The following ZNF618 variants were observed in gnomAD, a reference collection of about 807,000 sequenced individuals.
The protein encoded by ZNF618 is zinc finger protein 618, also known as neural precursor cell expressed, developmentally down-regulated 10.
In ZNF618, 34 loss-of-function variants were observed where a neutral mutation model predicts 103.0. The ratio of observed to expected loss-of-function variants is 0.33; its 90% CI spans 0.25 to 0.44. The LOEUF (loss-of-function observed/expected upper bound fraction) is 0.44. Ranked by LOEUF, ZNF618 falls within the 20% of genes least tolerant of loss-of-function variation. The probability of loss-of-function intolerance (pLI) is 1.00; values close to 1 mark genes in which losing one functional copy is unlikely to be tolerated. For synonymous variants in ZNF618, 551 were observed against 542.2 expected, an observed-to-expected ratio of 1.02 and a Z score of -0.23; for missense variants, 1,059 against 1,295.4, an observed-to-expected ratio of 0.82 and a Z score of 2.80.
At chr9:113,944,412 G>A (rs1834820960) in intron 1 of ZNF618, among the ~76,000 whole-genome samples, 1 of 152,126 alleles carries the variant, frequency 6.6e-6, no homozygotes, top group South Asian at 2.1e-4. Context: ...GAGTAGCTGG[G>A]ATTACAGTTG....
At chr9:113,947,814 G>A (rs1330166) in intron 1 of ZNF618, among the ~76,000 whole-genome samples, 99,340 of 152,030 alleles carry the variant, frequency 0.65, 32,624 homozygotes, top group Admixed American at 0.71. Flanking sequence ...CTCTATTGTT[G>A]TGTTTTATTG....
intron 10 of ZNF618, chr9:114,028,297 A>C: frequency 5.5e-6 from 1 of 180,986 alleles, no homozygotes; most frequent in East Asian, 1.4e-4. Context: ...AGGGACTATC[A>C]GGCCCCTCTG....
chr9:113,932,189 A>G (rs1833644262), intron 1 of ZNF618, among the ~76,000 whole-genome samples: 1 of 152,218 alleles, frequency 6.6e-6, no homozygotes, highest in Non-Finnish European at 1.5e-5. Context: ...GAGTCAGGAA[A>G]GACCTCTCTG....
Position 113,988,594 on chromosome 9 carries a change from G to T in ZNF618, c.337+14G>T. The T allele has an allele frequency of 6.3e-7, 1 of 1,597,320 alleles. No individual in the cohort carries two copies. Among genetic ancestry groups the T allele is most frequent in the Non-Finnish European group, 8.5e-7 (1 of 1,174,728 alleles). On this transcript the variant is annotated intron_variant, in intron 3 of 14. Coordinates refer to ENST00000374126, the MANE Select transcript of ZNF618 (RefSeq NM_001318042.2). ...AGCAGACCCTTGGTGAGTGCCCAGCGTCTGTGGTCAGGGTGGAGACCAGGG... is the reference window on the plus strand; with the variant it reads ...AGCAGACCCTTGGTGAGTGCCCAGCTTCTGTGGTCAGGGTGGAGACCAGGG...
intron 2 of ZNF618, among the ~76,000 whole-genome samples, chr9:113,983,192 G>A (rs879404002): frequency 8.6e-5 from 13 of 151,826 alleles, no homozygotes; most frequent in Non-Finnish European, 1.5e-4. Context: ...CATTTAAATG[G>A]ATATAATTAA....
At chr9:114,005,819 C>T (rs1372261549) in intron 6 of ZNF618, among the ~76,000 whole-genome samples, 1 of 152,206 alleles carries the variant, frequency 6.6e-6, no homozygotes, top group African/African-American at 2.4e-5. Flanking sequence ...CCTAGAACCA[C>T]CATCCTGGGA....
intron 10 of ZNF618, among the ~76,000 whole-genome samples, chr9:114,021,089 T>TA (rs1194623238): frequency 6.6e-6 from 1 of 151,946 alleles, no homozygotes; most frequent in Non-Finnish European, 1.5e-5. Flanking sequence ...TACATAGACT[T>TA]AAAAAAAATT....
intron 1 of ZNF618, among the ~76,000 whole-genome samples, chr9:113,893,500 C>A (rs909791086): frequency 1.1e-4 from 16 of 152,102 alleles, no homozygotes; most frequent in Admixed American, 5.9e-4. Flanking sequence ...AATTTGGACA[C>A]CTTTCCCTCT....
At chr9:113,906,259 C>A (rs1351512514) in intron 1 of ZNF618, among the ~76,000 whole-genome samples, 2 of 152,088 alleles carry the variant, frequency 1.3e-5, no homozygotes, top group Non-Finnish European at 2.9e-5. Context: ...ATTCTCTTAG[C>A]AGGGGTTGTG....
chr9:113,886,610 CTG>C (rs895613118), intron 1 of ZNF618, among the ~76,000 whole-genome samples: 3 of 151,928 alleles, frequency 2.0e-5, no homozygotes, highest in African/African-American at 7.3e-5. Flanking sequence ...TGAAATAAAA[CTG>C]AAACTAGTCT....
intron 1 of ZNF618, among the ~76,000 whole-genome samples, chr9:113,885,183 A>G (rs1193391489): frequency 5.9e-5 from 9 of 152,106 alleles, no homozygotes; most frequent in Admixed American, 5.9e-4. Context: ...GGGGCAAGGC[A>G]GGCCCTGGGG....
intron 5 of ZNF618, 29 bp downstream of exon 5, chr9:114,002,102 C>A (rs751720691): frequency 6.2e-7 from 1 of 1,600,394 alleles, no homozygotes; most frequent in South Asian, 1.1e-5. Context: ...GGGCAGAGCC[C>A]AGGGGCCGCA....
At chr9:113,882,175 T>G (rs1277541941) in intron 1 of ZNF618, among the ~76,000 whole-genome samples, 1 of 152,126 alleles carries the variant, frequency 6.6e-6, no homozygotes, top group African/African-American at 2.4e-5. Flanking sequence ...AGGCCAGGCC[T>G]TAGGTCAGAT....
intron 3 of ZNF618, among the ~76,000 whole-genome samples, chr9:113,995,292 AT>A (rs34601115): frequency 0.29 from 43,483 of 150,500 alleles, 6,970 homozygotes; most frequent in East Asian, 0.62. Context: ...ATTCTCCAAC[AT>A]TTTTTTTTTC....
intron 1 of ZNF618, among the ~76,000 whole-genome samples, chr9:113,924,218 T>C (rs1319297912): frequency 6.6e-6 from 1 of 152,026 alleles, no homozygotes; most frequent in Non-Finnish European, 1.5e-5. Context: ...CATTTTTAGA[T>C]GATATGTTTC....
intron 12 of ZNF618, among the ~76,000 whole-genome samples, chr9:114,034,429 CACT>C (rs780871279): frequency 1.3e-5 from 2 of 152,244 alleles, no homozygotes; most frequent in African/African-American, 2.4e-5. Context: ...ATAGCGCAAG[CACT>C]GCTGCTGCTG....
At chr9:113,997,215 C>T (rs1463060126) in intron 3 of ZNF618, among the ~76,000 whole-genome samples, 2 of 151,982 alleles carry the variant, frequency 1.3e-5, no homozygotes, top group African/African-American at 2.4e-5. Context: ...TCAAGTGTTC[C>T]TCTCACCTCA....
rs189587520 is a variant in ZNF618, at chr9:113,886,338, A to T, written c.33+9925A>T. Among the ~76,000 whole-genome samples the T allele has an allele frequency of 5.9e-5, 9 of 152,208 alleles. No homozygotes were observed. The East Asian group carries it at 1.7e-3, about 29-fold the overall frequency. On this transcript the variant is annotated intron_variant, in intron 1 of 14. Coordinates refer to ENST00000374126, the MANE Select transcript of ZNF618 (RefSeq NM_001318042.2). ...GGAAAATTGGGGGACTAAGGGTGGG[A>T]ATTTTTGTCAGGTGAAAGTTTGCAG...
intron 1 of ZNF618, among the ~76,000 whole-genome samples, chr9:113,906,723 C>G (rs1831022982): frequency 6.6e-6 from 1 of 152,164 alleles, no homozygotes; most frequent in Admixed American, 6.5e-5. Context: ...ACCAAACCTG[C>G]CAGTTTATAC....
Sources: gnomAD v4.1 joint callset for allele counts (sites outside exome capture counted in the v4.1 genomes callset) on GRCh38, gnomAD v4.1.1 for gene constraint, MANE v1.5 for transcripts, NCBI Gene and HGNC (gene_info 2026-07-23, HGNC 2026-07-21) for gene names.